SLC41A2: variants seen among roughly 807,000 people sequenced by gnomAD.
The protein encoded by SLC41A2 is SLC41A1-like 1.
Under a neutral mutation model 58.3 loss-of-function variants are expected in SLC41A2, and 32 were observed. That is an observed-to-expected ratio of 0.55 (90% CI 0.41 to 0.74). The LOEUF is 0.74. SLC41A2 is among the 30% of genes least tolerant of loss of function. The probability of loss-of-function intolerance (pLI) is 0.00; values close to 1 mark genes in which losing one functional copy is unlikely to be tolerated. For synonymous variants in SLC41A2, 190 were observed against 235.0 expected (o/e 0.81, Z 1.75); for missense variants, 514 against 680.6 (o/e 0.76, Z 2.72).
rs370660799 is a variant in SLC41A2 at position 104,910,892 on chromosome 12, C to G, written c.556-1130G>C. The stretch of plus-strand genomic sequence containing the variant: ...TTCTGTAGCAAAACTTTTTCCCTTT[C>G]CAGGTCTTTTCCTGATCCAGGAGAG... On this transcript the variant is annotated intron_variant, in intron 2 of 10. Coordinates refer to ENST00000258538, the MANE Select transcript of SLC41A2 (RefSeq NM_001352171.3). 1.2e-4 allele frequency among the ~76,000 whole-genome samples: 19 copies of G among 152,256 alleles called. 1 individual carries two copies. Among genetic ancestry groups the G allele is most frequent in the African/African-American group, 2.9e-4 (12 of 41,548 alleles).
intron 10 of SLC41A2, among the ~76,000 whole-genome samples, chr12:104,843,221 C>T (rs1255635392): frequency 6.6e-6 from 1 of 151,702 alleles, no homozygotes; most frequent in Non-Finnish European, 1.5e-5. Context: ...GTATAGTGGC[C>T]TTCCCTCTAG....
intron 10 of SLC41A2, among the ~76,000 whole-genome samples, chr12:104,842,521 C>T (rs1163127263): frequency 6.6e-6 from 1 of 152,068 alleles, no homozygotes; most frequent in East Asian, 1.9e-4. Context: ...ACAACAATAG[C>T]GTCAGCTAAC....
At chr12:104,812,566 C>T (rs569381663) in intron 10 of SLC41A2, among the ~76,000 whole-genome samples, 4 of 152,202 alleles carry the variant, frequency 2.6e-5, no homozygotes, top group Admixed American at 2.0e-4. Context: ...GAAAATATTT[C>T]TCCCATGTTC....
intron 10 of SLC41A2, among the ~76,000 whole-genome samples, chr12:104,809,737 G>C (rs906061679): frequency 6.6e-6 from 1 of 152,084 alleles, no homozygotes; most frequent in Admixed American, 6.6e-5. Context: ...CCTAATATCT[G>C]CCAAACTTAC....
At chr12:104,953,550 C>T (rs1245360685) in intron 1 of SLC41A2, among the ~76,000 whole-genome samples, 1 of 152,176 alleles carries the variant, frequency 6.6e-6, no homozygotes, top group Non-Finnish European at 1.5e-5. Flanking sequence ...ACTTGCTGTG[C>T]CCTCAAGGAG....
At chr12:104,898,467 G>A (rs1186849933) in intron 3 of SLC41A2, among the ~76,000 whole-genome samples, 1 of 148,726 alleles carries the variant, frequency 6.7e-6, no homozygotes, top group Non-Finnish European at 1.5e-5. Flanking sequence ...TATGTTTAAT[G>A]AATAAATACT....
chr12:104,952,628 C>T (rs1434674440), intron 1 of SLC41A2, among the ~76,000 whole-genome samples: 1 of 152,174 alleles, frequency 6.6e-6, no homozygotes, highest in Non-Finnish European at 1.5e-5. Context: ...CCTGCATAAA[C>T]ACCCCTACTT....
intron 1 of SLC41A2, among the ~76,000 whole-genome samples, chr12:104,956,016 T>C (rs1333195073): frequency 6.6e-6 from 1 of 152,232 alleles, no homozygotes; most frequent in Non-Finnish European, 1.5e-5. Context: ...CATTTATTGT[T>C]AGTTTGTTCA....
chr12:104,948,569 G>C (rs75484146), intron 1 of SLC41A2, among the ~76,000 whole-genome samples: 5,560 of 152,256 alleles, frequency 0.037, 122 homozygotes, highest in Non-Finnish European at 0.057. Flanking sequence ...ATCTCAGAGA[G>C]GTTAAATAAT....
At chr12:104,871,666 C>A (rs2043785429) in intron 6 of SLC41A2, among the ~76,000 whole-genome samples, 1 of 152,178 alleles carries the variant, frequency 6.6e-6, no homozygotes, top group African/African-American at 2.4e-5. Flanking sequence ...TTGTTACAAT[C>A]TATTATGTTA....
At chr12:104,834,040 A>G in intron 10 of SLC41A2, 1 of 985,324 alleles carries the variant, frequency 1.0e-6, no homozygotes, top group Non-Finnish European at 1.2e-6. Context: ...TTCTACCTTC[A>G]CCTTTATCAG....
rs146307373 is a variant in SLC41A2, at chr12:104,888,993, T to A, written c.880+40A>T. The A allele has an allele frequency of 1.5e-3, 2,187 of 1,485,752 alleles. 24 individuals carry two copies. The African/African-American group carries it at 0.028, about 19-fold the overall frequency. The allele number at this position is 1,485,752 out of a possible 1,614,324, so 92.0% of individuals were successfully genotyped here. A position where few individuals can be genotyped will look rare whatever the true frequency, so the allele number is the denominator to read the frequency against. ...CATCTTAAGAAATAAACCATTTAAATGTAAAAGGCTATAGAGTAGACATTT... is the reference window on the plus strand; with the variant it reads ...CATCTTAAGAAATAAACCATTTAAAAGTAAAAGGCTATAGAGTAGACATTT... On this transcript the variant is annotated intron_variant, in intron 5 of 10. Transcript: ENST00000258538.
chr12:104,895,223 A>ACCCAAGATCT, intron 4 of SLC41A2, 51 bp downstream of exon 4: 1 of 1,305,400 alleles, frequency 7.7e-7, no homozygotes, highest in Non-Finnish European at 1.1e-6. Flanking sequence ...TATAGATTAC[A>ACCCAAGATCT]GTCAAAATTT....
intron 8 of SLC41A2, among the ~76,000 whole-genome samples, chr12:104,856,974 T>C (rs906071907): frequency 2.6e-5 from 4 of 152,130 alleles, no homozygotes; most frequent in Non-Finnish European, 5.9e-5. Flanking sequence ...CTAAAAGATA[T>C]ATTTTTCATT....
chr12:104,833,026 C>T (rs1016929485), intron 10 of SLC41A2, among the ~76,000 whole-genome samples: 4 of 152,196 alleles, frequency 2.6e-5, no homozygotes, highest in Admixed American at 1.3e-4. Context: ...GAGTTCTCTA[C>T]ACTGAAATCT....
rs575133684 is a variant in SLC41A2 at position 104,852,454 on chromosome 12, T to G, written c.1256-6480A>C. Among the ~76,000 whole-genome samples the G allele has an allele frequency of 9.2e-5, 14 of 152,324 alleles. No homozygotes were observed. In the East Asian group the frequency reaches 2.5e-3, roughly 27 times the overall value. ...AAACAAAAAGCTACTGATGATTAAT[T>G]GTAGCTCTCTTCTAAAACCCACAAA... On this transcript the variant is annotated intron_variant, in intron 8 of 10. Transcript: ENST00000258538.
At chr12:104,880,346 C>A (rs1238615756) in intron 6 of SLC41A2, among the ~76,000 whole-genome samples, 1 of 152,172 alleles carries the variant, frequency 6.6e-6, no homozygotes, top group Admixed American at 6.5e-5. Context: ...GAACTTCCAA[C>A]ACTATGTTGA....
chr12:104,826,889 C>T (rs2041864990), intron 10 of SLC41A2, among the ~76,000 whole-genome samples: 1 of 152,160 alleles, frequency 6.6e-6, no homozygotes, highest in Non-Finnish European at 1.5e-5. Flanking sequence ...TGGGGATGAG[C>T]TTTGTATCAT....
At chr12:104,952,788 T>G (rs1294429122) in intron 1 of SLC41A2, among the ~76,000 whole-genome samples, 4 of 152,194 alleles carry the variant, frequency 2.6e-5, no homozygotes, top group Non-Finnish European at 5.9e-5. Flanking sequence ...GTCACTTTAG[T>G]GTACCACATT....
Sources: gnomAD v4.1 joint callset for allele counts (sites outside exome capture counted in the v4.1 genomes callset) on GRCh38, gnomAD v4.1.1 for gene constraint, MANE v1.5 for transcripts, NCBI Gene and HGNC (gene_info 2026-07-23, HGNC 2026-07-21) for gene names.